The following LIMA1 variants were observed in gnomAD, a reference collection of about 807,000 sequenced individuals.
LIMA1 encodes the protein LIM domain and actin-binding protein 1.
A neutral mutation model predicts 62.6 loss-of-function variants in LIMA1; 52 were observed. The ratio of observed to expected loss-of-function variants is 0.83; its 90% CI spans 0.67 to 1.05. The LOEUF (loss-of-function observed/expected upper bound fraction) is 1.05, where lower values mean the gene tolerates loss of function less well. Ranked by LOEUF, LIMA1 falls within the 50% of genes least tolerant of loss-of-function variation. The pLI is 0.00. For missense variants in LIMA1, 780 were observed against 902.2 expected, an observed-to-expected ratio of 0.86 and a Z score of 1.74; for synonymous variants, 302 against 317.8, an observed-to-expected ratio of 0.95 and a Z score of 0.53.
Position 50,248,623 on chromosome 12 carries a change from C to G in LIMA1, c.119+10G>C, listed in dbSNP as rs768804966. On this transcript the variant is annotated intron_variant, in intron 2 of 10. Transcript: ENST00000341247. ...ACAGATGGTCCTTTTGGACCAGGAT[C>G]AGCACTTACTTGGAGAATATTTCCA... The G allele has an allele frequency of 6.5e-7, 1 of 1,538,842 alleles. No homozygotes were observed. Among genetic ancestry groups the G allele is most frequent in the Admixed American group, 1.7e-5 (1 of 59,914 alleles).
Position 50,181,921 on chromosome 12 carries a change from A to G in LIMA1, c.1257T>C (p.Tyr419=), listed in dbSNP as rs746135887. ...VFHISCFRCS[Y]CNNKLSLGTY... ...TGACTTACCTGAGTTTGTTGTTGCA[A>G]TAGGAGCAACGGAAGCAGCTGATGT... is the stretch of plus-strand genomic sequence containing the variant. Residue 419 remains tyrosine, a synonymous_variant, in exon 10 of 11, where the codon TAT becomes TAC. Coordinates refer to ENST00000341247, the MANE Select transcript of LIMA1 (RefSeq NM_016357.5). 11 of 1,613,968 alleles carry G rather than the reference A, an allele frequency of 6.8e-6. No homozygotes were observed. In the South Asian group the frequency reaches 8.8e-5, roughly 13 times the overall value.
At chr12:50,200,740 C>T (rs1004195131) in intron 7 of LIMA1, 37 bp downstream of exon 7, 4 of 1,607,446 alleles carry the variant, frequency 2.5e-6, no homozygotes, top group Non-Finnish European at 2.6e-6. Flanking sequence ...AGAACACATG[C>T]TTCCTTGGCA....
At chr12:50,197,553 T>C (rs1472590267) in intron 7 of LIMA1, among the ~76,000 whole-genome samples, 1 of 152,190 alleles carries the variant, frequency 6.6e-6, no homozygotes, top group Non-Finnish European at 1.5e-5. Context: ...TTTATCTCCT[T>C]TCTTCCCCAC....
Position 50,248,679 on chromosome 12 carries a change from G to T in LIMA1, c.73C>A (p.Leu25Ile), listed in dbSNP as rs140372565. 7.6e-5 allele frequency: 122 copies of T among 1,613,784 alleles called. No individual in the cohort carries two copies. The East Asian group carries it at 2.3e-3, about 31-fold the overall frequency. The change falls in exon 2 of 11, where the codon CTT (leucine) becomes ATT (isoleucine). Residue 25 changes from leucine (L) to isoleucine (I), a missense_variant. By Grantham distance (5) the Leu-to-Ile change is conservative. Transcript: ENST00000341247. ...GCCGATGACTTGTTCTTGTTGACAA[G>T]AGAAAGTTCTTTGGCTGTTACCCTC... ...SLRVTAKELS[L>I]VNKNKSSAIV... is the part of the protein sequence containing the mutation.
At chr12:50,200,752 C>T (rs781640879) in intron 7 of LIMA1, 25 bp downstream of exon 7, 2 of 1,612,262 alleles carry the variant, frequency 1.2e-6, no homozygotes, top group Non-Finnish European at 1.7e-6. Context: ...TCCTTGGCAA[C>T]TGGACATCAG....
chr12:50,225,283 TG>T (rs758030356), intron 3 of LIMA1, among the ~76,000 whole-genome samples: 4 of 152,148 alleles, frequency 2.6e-5, no homozygotes, highest in Non-Finnish European at 5.9e-5. Context: ...AATAACTTAT[TG>T]GGGGAAAAAC....
At chr12:50,180,599 A>T (rs1940476632) in intron 10 of LIMA1, among the ~76,000 whole-genome samples, 1 of 152,166 alleles carries the variant, frequency 6.6e-6, no homozygotes, top group Admixed American at 6.5e-5. Flanking sequence ...CCTTATATCC[A>T]CACCTAGATA....
intron 4 of LIMA1, among the ~76,000 whole-genome samples, chr12:50,214,295 A>G (rs1015013102): frequency 1.3e-5 from 2 of 152,244 alleles, no homozygotes; most frequent in African/African-American, 4.8e-5. Flanking sequence ...TCTTGTGTAC[A>G]ATTAACAATA....
Position 50,177,101 on chromosome 12 carries a change from C to A in LIMA1, c.2243G>T (p.Arg748Ile). Residue 748 changes from arginine to isoleucine, a missense_variant, in exon 11 of 11, where the codon AGA becomes ATA. By Grantham distance (97) the Arg-to-Ile change is moderately conservative. Transcript: ENST00000341247. The stretch of plus-strand genomic sequence containing the variant: ...CTCATCCTCATCATAATACCGATTT[C>A]TCTTTATCTGTTCTTCCACAGAGAG... Reference protein sequence around the residue: ...KELSVEEQIKRNRYYDEDEDE... With the variant: ...KELSVEEQIKINRYYDEDEDE... The A allele has an allele frequency of 6.2e-7, 1 of 1,600,712 alleles. No homozygotes were observed. The highest frequency in any genetic ancestry group is 1.1e-5 in the South Asian group (1 of 88,064).
intron 4 of LIMA1, among the ~76,000 whole-genome samples, chr12:50,216,606 G>A (rs1308538611): frequency 2.6e-5 from 4 of 151,936 alleles, no homozygotes; most frequent in Admixed American, 2.0e-4. Context: ...CAGGCTGGGC[G>A]CGGTAGCACT....
chr12:50,190,487 C>T (rs1292743989), intron 9 of LIMA1, among the ~76,000 whole-genome samples: 2 of 150,818 alleles, frequency 1.3e-5, no homozygotes, highest in Admixed American at 6.6e-5. Context: ...CCTGCCTCGG[C>T]TTCCCAAGTA....
chr12:50,279,671 G>A (rs907007891), intron 1 of LIMA1, among the ~76,000 whole-genome samples: 5 of 152,134 alleles, frequency 3.3e-5, no homozygotes, highest in Non-Finnish European at 5.9e-5. Context: ...CAAATGAAAG[G>A]AAGAACTAGA....
intron 9 of LIMA1, chr12:50,186,152 C>T (rs1236397451): frequency 6.6e-6 from 1 of 152,308 alleles, no homozygotes; most frequent in Non-Finnish European, 1.5e-5. Context: ...ACAGGCCTGG[C>T]ATACATCCTG....
intron 2 of LIMA1, among the ~76,000 whole-genome samples, 157 bp downstream of exon 2, chr12:50,248,473 CCCT>C (rs1941881866): frequency 6.6e-6 from 1 of 152,014 alleles, no homozygotes; most frequent in Non-Finnish European, 1.5e-5. Context: ...CTGATTATTA[CCCT>C]CCTCCTCCTT....
At chr12:50,224,667 C>T (rs1373917582) in intron 3 of LIMA1, among the ~76,000 whole-genome samples, 3 of 152,118 alleles carry the variant, frequency 2.0e-5, no homozygotes, top group African/African-American at 7.2e-5. Flanking sequence ...TACTTATTGA[C>T]ATGAAAAGAT....
At chr12:50,193,525 CACAT>C (rs1565833095) in intron 8 of LIMA1, among the ~76,000 whole-genome samples, 5 of 123,836 alleles carry the variant, frequency 4.0e-5, no homozygotes, top group Admixed American at 8.8e-5. Context: ...GATATATATA[CACAT>C]ATATGATATA....
intron 4 of LIMA1, chr12:50,217,793 A>G: frequency 3.2e-6 from 1 of 315,122 alleles, no homozygotes. Flanking sequence ...ACAGTAATGT[A>G]GCTTCACATC....
At chr12:50,226,204 G>A (rs1198731060) in intron 3 of LIMA1, among the ~76,000 whole-genome samples, 4 of 151,750 alleles carry the variant, frequency 2.6e-5, no homozygotes, top group African/African-American at 2.4e-5. Flanking sequence ...ATGCCACCAC[G>A]CCCAGCTAAA....
chr12:50,193,670 T>A (rs866659003), intron 8 of LIMA1, among the ~76,000 whole-genome samples: 6,256 of 110,250 alleles, frequency 0.057, 497 homozygotes, highest in East Asian at 0.29. Context: ...ATATATATTT[T>A]TTTTTTTTTT....
Sources: allele counts gnomAD v4.1 joint callset (sites outside exome capture counted in the v4.1 genomes callset), GRCh38; gene constraint gnomAD v4.1.1; transcripts MANE v1.5; gene names NCBI Gene and HGNC (gene_info 2026-07-23, HGNC 2026-07-21).